ANGPTL1: variants seen among roughly 807,000 people sequenced by gnomAD.
ANGPTL1 encodes angiopoietin like 1.
A neutral mutation model predicts 46.7 loss-of-function variants in ANGPTL1; 36 were observed. That is an observed-to-expected ratio of 0.77 (90% CI 0.59 to 1.02). ANGPTL1 has a LOEUF of 1.02. ANGPTL1 is among the 50% of genes least tolerant of loss of function. The pLI is 0.00. For missense variants in ANGPTL1, 571 were observed against 594.7 expected, an observed-to-expected ratio of 0.96 and a Z score of 0.41; for synonymous variants, 221 against 204.3, an observed-to-expected ratio of 1.08 and a Z score of -0.69.
At chr1:178,856,012 C>A (rs914536142) in intron 3 of ANGPTL1, among the ~76,000 whole-genome samples, 2 of 148,056 alleles carry the variant, frequency 1.4e-5, no homozygotes, top group African/African-American at 4.9e-5. Flanking sequence ...TATATTAGAA[C>A]AAAGAATGTA....
rs1657070887 is a variant in ANGPTL1, at chr1:178,850,016, A to C, written c.*1113T>G. ...AGTCACTAGTAAAGTTGTTGATTGC[A>C]AAGATGAGTTAAAGACACTGTGAGA... is the stretch of plus-strand genomic sequence containing the variant. On this transcript the variant is annotated 3_prime_UTR_variant, in exon 6 of 6. Coordinates refer to ENST00000234816, the MANE Select transcript of ANGPTL1 (RefSeq NM_004673.4). 1 of 152,702 alleles carries C rather than the reference A, an allele frequency of 6.5e-6. No homozygotes were observed. The highest frequency in any genetic ancestry group is 1.5e-5 in the Non-Finnish European group (1 of 68,058). The allele number at this position is 152,702 out of a possible 1,614,324, so 9.5% of individuals were successfully genotyped here.
Position 178,864,943 on chromosome 1 carries a change from A to T in ANGPTL1, c.823+11T>A, listed in dbSNP as rs751405074. 6.2e-5 allele frequency: 89 copies of T among 1,434,488 alleles called. 2 individuals are homozygous for T. In the South Asian group the frequency reaches 1.6e-3, roughly 26 times the overall value. The allele number at this position is 1,434,488 out of a possible 1,614,324, so 88.9% of individuals were successfully genotyped here. A position where few individuals can be genotyped will look rare whatever the true frequency, so the allele number is the denominator to read the frequency against. On this transcript the variant is annotated intron_variant, in intron 3 of 5. Transcript: ENST00000234816. The stretch of plus-strand genomic sequence containing the variant: ...TCATACTCCCACTTTTTACAGTAAG[A>T]GGTAACTCACCTTCATTGATGAAAG...
In ANGPTL1 at chr1:178,850,935, A is replaced by T. The variant is rs1301343430; in HGVS notation, c.*194T>A. ...TTTAAAATAACTAGGTTGTGGATAC[A>T]CATAATTTTCTGCAGTAATTGACGA... On this transcript the variant is annotated 3_prime_UTR_variant, in exon 6 of 6. Transcript: ENST00000234816. The T allele has an allele frequency of 1.3e-5, 6 of 447,684 alleles. No individual in the cohort carries two copies. Among genetic ancestry groups the T allele is most frequent in the Non-Finnish European group, 2.3e-5 (6 of 261,430 alleles). 27.7% of individuals were successfully genotyped at this position (447,684 alleles called of 1,614,324 possible).
At chr1:178,861,659 CTCA>C (rs1658020627) in intron 3 of ANGPTL1, among the ~76,000 whole-genome samples, 2 of 152,036 alleles carry the variant, frequency 1.3e-5, no homozygotes, top group African/African-American at 4.8e-5. Flanking sequence ...AATTGTATAC[CTCA>C]TCAGTTAAAA....
intron 5 of ANGPTL1, 133 bp downstream of exon 5, chr1:178,852,550 T>G: frequency 1.3e-6 from 1 of 797,438 alleles, no homozygotes; most frequent in South Asian, 2.4e-5. Context: ...TTTCAGTAGG[T>G]TGGTTGTATT....
At chr1:178,861,708 T>C (rs938053800) in intron 3 of ANGPTL1, among the ~76,000 whole-genome samples, 1 of 152,214 alleles carries the variant, frequency 6.6e-6, no homozygotes. Flanking sequence ...ATTTATAACT[T>C]ACGTATACAA....
At chr1:178,863,361 A>G (rs960528125) in intron 3 of ANGPTL1, among the ~76,000 whole-genome samples, 2 of 150,394 alleles carry the variant, frequency 1.3e-5, no homozygotes, top group African/African-American at 5.0e-5. Flanking sequence ...GTCTTCCAGA[A>G]GCATTCAGAC....
In ANGPTL1 at chr1:178,866,450, A is replaced by G. The variant is rs1400663765; in HGVS notation, c.-26-648T>C. 2.0e-5 allele frequency among the ~76,000 whole-genome samples: 3 copies of G among 152,274 alleles called. No individual in the cohort carries two copies. In the East Asian group the frequency reaches 5.8e-4, roughly 29 times the overall value. On this transcript the variant is annotated intron_variant, in intron 2 of 5. Transcript: ENST00000234816. The stretch of plus-strand genomic sequence containing the variant: ...TTTTGGGATTAGTGACAGGTTTTAG[A>G]ATGATAGAATGCTCACAGTCATTGT...
At chr1:178,856,872 A>G (rs1205818303) in intron 3 of ANGPTL1, among the ~76,000 whole-genome samples, 1 of 152,210 alleles carries the variant, frequency 6.6e-6, no homozygotes, top group Non-Finnish European at 1.5e-5. Context: ...TAAAAATAGT[A>G]GCCAATTTTA....
chr1:178,853,535 T>C (rs1657322877), intron 4 of ANGPTL1, 59 bp downstream of exon 4: 2 of 1,315,396 alleles, frequency 1.5e-6, no homozygotes, highest in Non-Finnish European at 2.0e-6. Context: ...ATCTTGTTTC[T>C]TGCATTATTG....
At position 178,865,324 on chromosome 1, in the gene ANGPTL1, A is replaced by G. The variant is rs1658325567; in HGVS notation, c.453T>C (p.Leu151=). 6.2e-7 allele frequency: 1 copy of G among 1,613,906 alleles called. No homozygotes were observed. ...IIRKRDNSLE[L]SQLENKILNV... is the part of the protein sequence containing the mutation. ...TGAGGATTTTGTTTTCCAGTTGGGA[A>G]AGTTCAAGTGAATTATCCCTCTTAC... Residue 151 remains leucine (L), a synonymous_variant, in exon 3 of 6, where the codon CTT becomes CTC. Coordinates refer to ENST00000234816, the MANE Select transcript of ANGPTL1 (RefSeq NM_004673.4).
At chr1:178,855,596 T>C (rs1657480367) in intron 3 of ANGPTL1, among the ~76,000 whole-genome samples, 1 of 151,964 alleles carries the variant, frequency 6.6e-6, no homozygotes, top group African/African-American at 2.4e-5. Context: ...TTAGGTATTG[T>C]ATTTTTTAGT....
At position 178,853,006 on chromosome 1, in the gene ANGPTL1, C is replaced by T; in HGVS notation, c.1018-53G>A. 3.2e-6 allele frequency: 5 copies of T among 1,543,456 alleles called. No individual in the cohort carries two copies. The South Asian group carries it at 6.4e-5, about 20-fold the overall frequency. On this transcript the variant is annotated intron_variant, in intron 4 of 5. Coordinates refer to ENST00000234816, the MANE Select transcript of ANGPTL1 (RefSeq NM_004673.4). ...CATAAATAAGTATAGAGATAGTAAA[C>T]ATTTTTACAGAGCAGTGTTAAACAT... is the stretch of plus-strand genomic sequence containing the variant.
intron 2 of ANGPTL1, 43 bp from the exon 3 acceptor site, chr1:178,865,845 T>C (rs1309814262): frequency 8.3e-7 from 1 of 1,207,588 alleles, no homozygotes; most frequent in Non-Finnish European, 1.2e-6. Context: ...GCAAAAAGAA[T>C]TCATATTAAT....
chr1:178,864,299 A>G (rs1658233765), intron 3 of ANGPTL1, among the ~76,000 whole-genome samples: 1 of 152,136 alleles, frequency 6.6e-6, no homozygotes, highest in African/African-American at 2.4e-5. Context: ...AATAATGAAC[A>G]TTTATATTTC....
At position 178,853,679 on chromosome 1, in the gene ANGPTL1, T is replaced by C; in HGVS notation, c.932A>G (p.Asn311Ser). Residue 311 changes from asparagine (N) to serine (S), a missense_variant, in exon 4 of 6, where the codon AAC becomes AGC. Transcript: ENST00000234816. ...SNGPMQLWCE[N>S]SLDPGGWTVI... ...AGTCCAACCCCCAGGGTCCAAACTG[T>C]TTTCACACCATAACTGCATTGGTCC... 1 of 1,613,204 alleles carries C rather than the reference T, an allele frequency of 6.2e-7. No individual in the cohort carries two copies. Among genetic ancestry groups the C allele is most frequent in the Admixed American group, 1.7e-5 (1 of 59,914 alleles).
At chr1:178,854,697 A>G (rs1657411733) in intron 3 of ANGPTL1, among the ~76,000 whole-genome samples, 1 of 152,172 alleles carries the variant, frequency 6.6e-6, no homozygotes, top group Admixed American at 6.5e-5. Flanking sequence ...GGTAAACCCT[A>G]GATAGACATA....
At chr1:178,860,098 T>G (rs1657894403) in intron 3 of ANGPTL1, among the ~76,000 whole-genome samples, 1 of 152,100 alleles carries the variant, frequency 6.6e-6, no homozygotes, top group African/African-American at 2.4e-5. Flanking sequence ...ATCTATGCTT[T>G]TACACATGGT....
At chr1:178,862,169 G>A (rs532902817) in intron 3 of ANGPTL1, among the ~76,000 whole-genome samples, 19 of 152,038 alleles carry the variant, frequency 1.2e-4, no homozygotes, top group South Asian at 6.2e-4. Flanking sequence ...CACCATGCCC[G>A]GCGAGGATAT....
Sources: gnomAD v4.1 joint callset for allele counts (sites outside exome capture counted in the v4.1 genomes callset) on GRCh38, gnomAD v4.1.1 for gene constraint, MANE v1.5 for transcripts, NCBI Gene and HGNC (gene_info 2026-07-23, HGNC 2026-07-21) for gene names.